The following DENND5B variants were observed in gnomAD, a reference collection of about 807,000 sequenced individuals.
DENND5B encodes DENN domain-containing protein 5B.
A neutral mutation model predicts 140.6 loss-of-function variants in DENND5B; 34 were observed. That is an observed-to-expected ratio of 0.24 (90% confidence interval 0.18 to 0.32). The LOEUF is 0.32. Among genes scored for constraint, DENND5B ranks in the 10% least tolerant of loss-of-function variants. DENND5B has a pLI of 1.00. For missense variants in DENND5B, 1,142 were observed against 1,560.2 expected, an observed-to-expected ratio of 0.73 and a Z score of 4.52; for synonymous variants, 551 against 562.1, an observed-to-expected ratio of 0.98 and a Z score of 0.28.
chr12:31,402,066 G>A (rs886490968), intron 15 of DENND5B, among the ~76,000 whole-genome samples: 12 of 93,838 alleles, frequency 1.3e-4, no homozygotes, highest in East Asian at 3.8e-4. Flanking sequence ...GCAAGATTCC[G>A]TCTCAAAAAA....
At chr12:31,531,039 C>A (rs1315309532) in intron 1 of DENND5B, among the ~76,000 whole-genome samples, 1 of 152,178 alleles carries the variant, frequency 6.6e-6, no homozygotes, top group Admixed American at 6.5e-5. Flanking sequence ...GTTCATTATG[C>A]AGTGTTCAAA....
intron 1 of DENND5B, among the ~76,000 whole-genome samples, chr12:31,526,874 C>T (rs1180981906): frequency 6.6e-6 from 1 of 152,166 alleles, no homozygotes. Flanking sequence ...TTTCAAAATA[C>T]TGTTGTGACT....
chr12:31,479,021 A>ACC (rs1555159325), intron 3 of DENND5B, among the ~76,000 whole-genome samples: 1 of 152,130 alleles, frequency 6.6e-6, no homozygotes, highest in African/African-American at 2.4e-5. Flanking sequence ...ACACACACAC[A>ACC]ACTCTGGCAG....
intron 1 of DENND5B, among the ~76,000 whole-genome samples, chr12:31,523,125 C>G (rs1947961269): frequency 6.7e-6 from 1 of 149,016 alleles, no homozygotes; most frequent in Non-Finnish European, 1.5e-5. Flanking sequence ...GTGGCGTGAT[C>G]TCGGCTCACT....
chr12:31,405,167 T>C (rs529427328), intron 14 of DENND5B, among the ~76,000 whole-genome samples: 1 of 152,224 alleles, frequency 6.6e-6, no homozygotes, highest in Admixed American at 6.5e-5. Context: ...CCTCTCAAAG[T>C]GCTGGAACTC....
At chr12:31,444,519 C>T (rs1049253827) in intron 6 of DENND5B, among the ~76,000 whole-genome samples, 1 of 152,242 alleles carries the variant, frequency 6.6e-6, no homozygotes, top group Non-Finnish European at 1.5e-5. Context: ...GCTGGGATTA[C>T]AGGCGTTAGC....
chr12:31,462,349 G>A (rs1251645573), intron 3 of DENND5B, among the ~76,000 whole-genome samples: 2 of 151,644 alleles, frequency 1.3e-5, no homozygotes, highest in Non-Finnish European at 2.9e-5. Context: ...TTTATCCCAG[G>A]GGCGGGGGCG....
At chr12:31,403,984 G>C (rs1941980588) in intron 14 of DENND5B, among the ~76,000 whole-genome samples, 1 of 151,552 alleles carries the variant, frequency 6.6e-6, no homozygotes, top group African/African-American at 2.4e-5. Context: ...ACCTTGGAAG[G>C]CTGAGGTGGG....
At chr12:31,404,424 G>A (rs1237151435) in intron 14 of DENND5B, among the ~76,000 whole-genome samples, 1 of 152,124 alleles carries the variant, frequency 6.6e-6, no homozygotes, top group African/African-American at 2.4e-5. Flanking sequence ...AGCCTCCCCA[G>A]CAGTTGGGAC....
rs143123288 is a variant in DENND5B at position 31,445,896 on chromosome 12, T to C, written c.1861+1642A>G. Among the ~76,000 whole-genome samples, 143 of 147,676 alleles carry C rather than the reference T, an allele frequency of 9.7e-4. 2 individuals carry two copies. In the East Asian group the frequency reaches 0.027, roughly 27 times the overall value. On this transcript the variant is annotated intron_variant, in intron 6 of 20. Transcript: ENST00000389082. ...TGGTGGCACATGCCTATAGTACCAG[T>C]TCCCCAGGAGGCTGTGGTAGGAACA...
chr12:31,494,833 T>C (rs918260085), intron 2 of DENND5B, among the ~76,000 whole-genome samples: 2 of 152,182 alleles, frequency 1.3e-5, no homozygotes, highest in Admixed American at 6.5e-5. Flanking sequence ...CTAGAGGGTA[T>C]TTAAACCTCA....
chr12:31,515,637 C>CA (rs981508257), intron 1 of DENND5B, among the ~76,000 whole-genome samples: 20 of 151,674 alleles, frequency 1.3e-4, no homozygotes, highest in African/African-American at 1.9e-4. Context: ...AAGGAATGAA[C>CA]AAAAAAAGGA....
chr12:31,431,305 T>C lies in DENND5B; in HGVS notation c.2106+1850A>G, dbSNP rs545753321. On this transcript the variant is annotated intron_variant, in intron 8 of 20. Transcript: ENST00000389082. ...TGTTCAACTTGTGAAGAGAAGACCA[T>C]TGTAAAATAGATTTAAGCTAGTATG... is the stretch of plus-strand genomic sequence containing the variant. 2.4e-4 allele frequency among the ~76,000 whole-genome samples: 37 copies of C among 152,260 alleles called. No individual in the cohort carries two copies. In the South Asian group the frequency reaches 7.3e-3, roughly 30 times the overall value.
chr12:31,578,611 AG>A (rs1950105251), intron 1 of DENND5B, among the ~76,000 whole-genome samples: 1 of 152,238 alleles, frequency 6.6e-6, no homozygotes, highest in Admixed American at 6.5e-5. Context: ...ATATCATTAG[AG>A]GGAAGACCTT....
At chr12:31,403,943 A>G (rs1941977142) in intron 14 of DENND5B, among the ~76,000 whole-genome samples, 1 of 145,244 alleles carries the variant, frequency 6.9e-6, no homozygotes, top group Non-Finnish European at 1.5e-5. Flanking sequence ...AGGGCCAGGC[A>G]CGGGGGCTCA....
chr12:31,424,481 T>G (rs1943151745), intron 10 of DENND5B, 54 bp downstream of exon 10: 1 of 1,516,326 alleles, frequency 6.6e-7, no homozygotes, highest in South Asian at 1.3e-5. Flanking sequence ...CTTGTTACAT[T>G]TCTTAACAGG....
intron 8 of DENND5B, among the ~76,000 whole-genome samples, chr12:31,428,304 C>T (rs892346388): frequency 9.3e-5 from 14 of 150,006 alleles, no homozygotes; most frequent in African/African-American, 2.9e-4. Context: ...ATCGTGCCAT[C>T]GCACTCCAGC....
chr12:31,520,842 TAACAAC>T (rs66533164), intron 1 of DENND5B, among the ~76,000 whole-genome samples: 3,154 of 151,180 alleles, frequency 0.021, 57 homozygotes, highest in South Asian at 0.052. Context: ...TAAAAATAGT[TAACAAC>T]AACAACAACA....
chr12:31,576,503 G>A (rs1305692067), intron 1 of DENND5B, among the ~76,000 whole-genome samples: 1 of 151,542 alleles, frequency 6.6e-6, no homozygotes, highest in Non-Finnish European at 1.5e-5. Flanking sequence ...AGAGAAAAGA[G>A]AGAAAGAAAA....
Sources: gnomAD v4.1 joint callset for allele counts (sites outside exome capture counted in the v4.1 genomes callset) on GRCh38, gnomAD v4.1.1 for gene constraint, MANE v1.5 for transcripts, NCBI Gene and HGNC (gene_info 2026-07-23, HGNC 2026-07-21) for gene names.